The following NAALADL2 variants were observed in gnomAD, a reference collection of about 807,000 sequenced individuals.
The protein encoded by NAALADL2 is N-acetylated alpha-linked acidic dipeptidase like 2.
NAALADL2 carries 76 observed loss-of-function variants against 87.2 expected under a neutral mutation model. The ratio of observed to expected loss-of-function variants is 0.87; its 90% confidence interval spans 0.72 to 1.05. The LOEUF (loss-of-function observed/expected upper bound fraction) is 1.05. Among genes scored for constraint, NAALADL2 ranks in the 50% least tolerant of loss-of-function variants. NAALADL2 has a pLI of 0.00. For missense variants in NAALADL2, 1,089 were observed against 945.8 expected (o/e 1.15, Z -1.99); for synonymous variants, 354 against 331.0 (o/e 1.07, Z -0.75).
At chr3:174,830,913 G>A (rs1722601447) in intron 3 of NAALADL2, among the ~76,000 whole-genome samples, 2 of 151,230 alleles carry the variant, frequency 1.3e-5, no homozygotes, top group Admixed American at 6.6e-5. Flanking sequence ...CTGTTTGTCT[G>A]TTGTTGGTGT....
intron 2 of NAALADL2, among the ~76,000 whole-genome samples, chr3:175,231,167 T>C (rs1744881109): frequency 6.6e-6 from 1 of 151,880 alleles, no homozygotes; most frequent in African/African-American, 2.4e-5. Context: ...TACATATATG[T>C]ATATAAACCT....
Position 175,096,841 on chromosome 3 carries a change from A to T in NAALADL2, c.95A>T (p.His32Leu). The T allele has an allele frequency of 6.2e-7, 1 of 1,609,814 alleles. No individual in the cohort carries two copies. Among genetic ancestry groups the T allele is most frequent in the Non-Finnish European group, 8.5e-7 (1 of 1,177,836 alleles). Residue 32 changes from histidine to leucine, a missense_variant, in exon 2 of 14, where the codon CAC becomes CTC. Transcript: ENST00000454872. Reference protein sequence around the residue: ...KVHADQRAPGHSQYLDNDDLQ... With the variant: ...KVHADQRAPGLSQYLDNDDLQ... Reference sequence around the variant, plus strand: ...CATGCAGATCAAAGAGCTCCAGGACACTCACAGTACTTAGACAATGATGAC... The same window carrying T: ...CATGCAGATCAAAGAGCTCCAGGACTCTCACAGTACTTAGACAATGATGAC...
chr3:175,351,616 T>C (rs1763783570), intron 5 of NAALADL2, among the ~76,000 whole-genome samples: 1 of 152,110 alleles, frequency 6.6e-6, no homozygotes, highest in Non-Finnish European at 1.5e-5. Flanking sequence ...TGCAGTAGGT[T>C]TTCCCCATAT....
chr3:175,809,155 C>T lies in NAALADL2; in HGVS notation c.*5952C>T, dbSNP rs1754950399. On this transcript the variant is annotated 3_prime_UTR_variant, in exon 14 of 14. Coordinates refer to ENST00000454872, the MANE Select transcript of NAALADL2 (RefSeq NM_207015.3). ...AAATGCTATTACTCTCTAAACAGAA[C>T]TTTAGCATATCTGTTTGATAAGAAA... The T allele has an allele frequency of 1.3e-5, 2 of 151,960 alleles. No individual in the cohort carries two copies. Among genetic ancestry groups the T allele is most frequent in the African/African-American group, 4.8e-5 (2 of 41,410 alleles). 9.4% of individuals were successfully genotyped at this position (151,960 alleles called of 1,614,324 possible).
At chr3:174,671,495 G>C (rs976874547) in intron 2 of NAALADL2, among the ~76,000 whole-genome samples, 1 of 152,098 alleles carries the variant, frequency 6.6e-6, no homozygotes, top group African/African-American at 2.4e-5. Flanking sequence ...CTGAAAATGT[G>C]TGGTGAGGGA....
chr3:174,942,153 A>G (rs55695960), intron 1 of NAALADL2, among the ~76,000 whole-genome samples: 13,700 of 151,872 alleles, frequency 0.09, 1,088 homozygotes, highest in African/African-American at 0.21. Flanking sequence ...TTTCCTTTCT[A>G]TATTTACTGC....
intron 1 of NAALADL2, among the ~76,000 whole-genome samples, chr3:174,883,772 T>G (rs1014451944): frequency 1.3e-5 from 2 of 152,146 alleles, no homozygotes; most frequent in African/African-American, 4.8e-5. Flanking sequence ...GTTTTTCTCC[T>G]GGTAGGGTGA....
At chr3:174,532,837 G>A (rs1721366181) in intron 1 of NAALADL2, among the ~76,000 whole-genome samples, 1 of 151,976 alleles carries the variant, frequency 6.6e-6, no homozygotes, top group South Asian at 2.1e-4. Context: ...TATATTTATT[G>A]AGGATTTGGA....
chr3:175,606,557 G>T (rs1232247481), intron 10 of NAALADL2, among the ~76,000 whole-genome samples: 6 of 151,972 alleles, frequency 3.9e-5, no homozygotes, highest in Non-Finnish European at 8.8e-5. Context: ...GTAATATTGC[G>T]GAACTCCTTA....
intron 11 of NAALADL2, among the ~76,000 whole-genome samples, chr3:175,631,276 G>A (rs927210721): frequency 6.6e-6 from 1 of 151,560 alleles, no homozygotes; most frequent in African/African-American, 2.4e-5. Context: ...AAATTTATGG[G>A]GTAGAAGTGC....
In NAALADL2 at chr3:175,576,096, C is replaced by G; in HGVS notation, c.1709C>G (p.Ser570Cys). ...CAGTGCCCAGAAACCAATATCAGTT[C>G]TATACAGATACAAGGTGATGCTGAT... Reference protein sequence around the residue: ...RAQCPETNISSIQIQGDADYF... With the variant: ...RAQCPETNISCIQIQGDADYF... The change falls in exon 10 of 14, where the codon TCT (serine) becomes TGT (cysteine). Residue 570 changes from serine (S) to cysteine (C), a missense_variant. Physicochemically the swap from Ser to Cys is moderately radical, Grantham distance 112 (BLOSUM62 -1). Transcript: ENST00000454872. 1.2e-6 allele frequency: 2 copies of G among 1,612,526 alleles called. No homozygotes were observed. Among genetic ancestry groups the G allele is most frequent in the Non-Finnish European group, 1.7e-6 (2 of 1,178,602 alleles).
chr3:174,467,449 C>T (rs1045409308), intron 1 of NAALADL2, among the ~76,000 whole-genome samples: 4 of 151,680 alleles, frequency 2.6e-5, no homozygotes, highest in East Asian at 1.9e-4. Context: ...AAAAATTAGC[C>T]GGGTGTGGTG....
At chr3:175,295,710 T>TGC (rs1491460856) in intron 4 of NAALADL2, among the ~76,000 whole-genome samples, 3 of 93,924 alleles carry the variant, frequency 3.2e-5, no homozygotes, top group Non-Finnish European at 7.5e-5. Flanking sequence ...TTGATACACA[T>TGC]GCACACAAAC....
intron 2 of NAALADL2, among the ~76,000 whole-genome samples, chr3:174,608,761 T>A (rs1719423041): frequency 6.8e-6 from 1 of 147,752 alleles, no homozygotes; most frequent in South Asian, 2.2e-4. Context: ...CCATTCCTTC[T>A]GAAACTATTC....
At chr3:175,547,745 G>A (rs1713607028) in intron 9 of NAALADL2, among the ~76,000 whole-genome samples, 1 of 151,576 alleles carries the variant, frequency 6.6e-6, no homozygotes, top group African/African-American at 2.4e-5. Context: ...GTGGGCAGAG[G>A]TCACAGACAC....
chr3:175,721,750 G>T (rs540612982), intron 11 of NAALADL2, among the ~76,000 whole-genome samples: 7 of 152,082 alleles, frequency 4.6e-5, no homozygotes, highest in African/African-American at 1.4e-4. Context: ...GAATAAATTG[G>T]TATAATATAA....
At chr3:175,230,998 AC>A (rs1744862691) in intron 2 of NAALADL2, among the ~76,000 whole-genome samples, 1 of 152,066 alleles carries the variant, frequency 6.6e-6, no homozygotes, top group Non-Finnish European at 1.5e-5. Context: ...AAAGCTGAAA[AC>A]AACTTCAAAA....
intron 5 of NAALADL2, among the ~76,000 whole-genome samples, chr3:175,403,545 G>T (rs374881068): frequency 6.6e-6 from 1 of 151,908 alleles, no homozygotes; most frequent in South Asian, 2.1e-4. Context: ...TCTGTTTTCC[G>T]CCCACTTTAT....
chr3:175,593,063 T>C (rs967339529), intron 10 of NAALADL2, among the ~76,000 whole-genome samples: 1 of 152,110 alleles, frequency 6.6e-6, no homozygotes, highest in Non-Finnish European at 1.5e-5. Flanking sequence ...GTCTGTTACA[T>C]AGGTAAACCT....
Sources: allele counts gnomAD v4.1 joint callset (sites outside exome capture counted in the v4.1 genomes callset), GRCh38; gene constraint gnomAD v4.1.1; transcripts MANE v1.5; gene names NCBI Gene and HGNC (gene_info 2026-07-23, HGNC 2026-07-21).